The following NEFM variants were observed in gnomAD, a reference collection of about 807,000 sequenced individuals.
NEFM encodes neurofilament medium polypeptide.
In NEFM, 16 loss-of-function variants were observed where a neutral mutation model predicts 48.1. That is an observed-to-expected ratio of 0.33 (90% CI 0.23 to 0.51). The LOEUF (loss-of-function observed/expected upper bound fraction) is 0.51. NEFM is among the 20% of genes least tolerant of loss of function. The pLI is 0.98. For missense variants in NEFM, 1,107 were observed against 1,136.0 expected (o/e 0.97, Z 0.37); for synonymous variants, 465 against 456.9 (o/e 1.02, Z -0.23).
At chr8:24,915,876 T>G in intron 2 of NEFM, 147 bp downstream of exon 2, 1 of 1,038,364 alleles carries the variant, frequency 9.6e-7, no homozygotes, top group Non-Finnish European at 1.4e-6. Context: ...AAGAAATTAT[T>G]CTAAAGAATT....
At chr8:24,915,136 C>A in intron 1 of NEFM, 2 of 1,349,084 alleles carry the variant, frequency 1.5e-6, no homozygotes, top group Non-Finnish European at 1.9e-6. Flanking sequence ...TAATTTTGCA[C>A]GCTTGCACGT....
chr8:24,914,898 GC>G (rs1802549709), intron 1 of NEFM, 25 bp downstream of exon 1: 12 of 1,560,396 alleles, frequency 7.7e-6, no homozygotes, highest in African/African-American at 1.4e-5. Flanking sequence ...TGCGCGGCCA[GC>G]CTGCGCCAGC....
Position 24,918,878 on chromosome 8 carries a change from T to C in NEFM, c.*272T>C. 2.1e-6 allele frequency: 1 copy of C among 472,182 alleles called. No individual in the cohort carries two copies. Among genetic ancestry groups the C allele is most frequent in the Non-Finnish European group, 3.8e-6 (1 of 260,090 alleles). 29.2% of individuals were successfully genotyped at this position (472,182 alleles called of 1,614,324 possible). A position where few individuals can be genotyped will look rare whatever the true frequency, so the allele number is the denominator to read the frequency against. On this transcript the variant is annotated 3_prime_UTR_variant, in exon 3 of 3. Transcript: ENST00000221166. ...AGGGGGGATGTCTTGAGATGTATTA[T>C]GCAAAGTACCAACTGAGCCAAAAAC... is the stretch of plus-strand genomic sequence containing the variant.
rs368440835 is a variant in NEFM at position 24,917,677 on chromosome 8, G to A, written c.1822G>A (p.Glu608Lys). 1.9e-6 allele frequency: 3 copies of A among 1,613,278 alleles called. No individual in the cohort carries two copies. Among genetic ancestry groups the A allele is most frequent in the African/African-American group, 2.7e-5 (2 of 74,896 alleles). The part of the protein sequence containing the change: ...KEELVADAKV[E>K]KPEKAKSPVP... The stretch of plus-strand genomic sequence containing the variant: ...GGAGCTGGTGGCAGATGCCAAGGTG[G>A]AAAAGCCAGAAAAAGCCAAGTCTCC... Residue 608 changes from glutamate (E) to lysine (K), a missense_variant, in exon 3 of 3, where the codon GAA becomes AAA. Physicochemically the swap from Glu to Lys is moderately conservative, Grantham distance 56. Transcript: ENST00000221166.
Position 24,917,512 on chromosome 8 carries a change from T to C in NEFM, c.1657T>C (p.Ser553Pro). 6 of 1,554,414 alleles carry C rather than the reference T, an allele frequency of 3.9e-6. No homozygotes were observed. The highest frequency in any genetic ancestry group is 1.7e-4 in the Middle Eastern group (1 of 5,976). The change falls in exon 3 of 3, where the codon TCC (serine) becomes CCC (proline). Residue 553 changes from serine to proline, a missense_variant. By Grantham distance (74) the Ser-to-Pro change is moderately conservative. Around this residue, in one of 3 missense-constraint regions of NEFM, gnomAD observed 917 missense variants for 916.4 expected, o/e 1.00. Transcript: ENST00000221166. ...AKSDQAEEGG[S>P]EKEGSSEKEE... ...GTCAGACCAAGCCGAAGAGGGAGGATCCGAGAAGGAAGGCTCTAGTGAAAA... is the reference window on the plus strand; with the variant it reads ...GTCAGACCAAGCCGAAGAGGGAGGACCCGAGAAGGAAGGCTCTAGTGAAAA...
rs1386254422 is a variant in NEFM at position 24,914,498 on chromosome 8, G to A, written c.705G>A (p.Arg235=). 3 of 1,613,954 alleles carry A rather than the reference G, an allele frequency of 1.9e-6. No individual in the cohort carries two copies. The highest frequency in any genetic ancestry group is 1.7e-5 in the Admixed American group (1 of 60,000). Residue 235 remains arginine (R), a synonymous_variant, in exon 1 of 3, where the codon CGG becomes CGA. Coordinates refer to ENST00000221166, the MANE Select transcript of NEFM (RefSeq NM_005382.2). The part of the protein sequence containing the change: ...QSLQDEVAFL[R]SNHEEEVADL... The stretch of plus-strand genomic sequence containing the variant: ...TGCAGGATGAGGTGGCCTTCCTGCG[G>A]AGCAACCACGAGGAGGAGGTGGCCG...
rs1802621389 is a variant in NEFM at position 24,918,692 on chromosome 8, C to T, written c.*86C>T. 7 of 947,378 alleles carry T rather than the reference C, an allele frequency of 7.4e-6. No homozygotes were observed. Among genetic ancestry groups the T allele is most frequent in the Non-Finnish European group, 1.2e-5 (7 of 585,808 alleles). 58.7% of individuals were successfully genotyped at this position (947,378 alleles called of 1,614,324 possible). A position where few individuals can be genotyped will look rare whatever the true frequency, so the allele number is the denominator to read the frequency against. On this transcript the variant is annotated 3_prime_UTR_variant, in exon 3 of 3. Transcript: ENST00000221166. Reference sequence around the variant, plus strand: ...AGCTTCAAAACAGAACGGGTTCTCCCATGGGGGCTCCAGACATTGTATTTT... The same window carrying T: ...AGCTTCAAAACAGAACGGGTTCTCCTATGGGGGCTCCAGACATTGTATTTT...
chr8:24,918,006 G>A lies in NEFM; in HGVS notation c.2151G>A (p.Lys717=), dbSNP rs1802606956. The A allele has an allele frequency of 6.3e-7, 1 of 1,593,882 alleles. No homozygotes were observed. The highest frequency in any genetic ancestry group is 1.3e-5 in the African/African-American group (1 of 74,422). ...KEVKEAPKEE[K]VEKKEEKPKD... ...TCAAGGAAGCTCCCAAGGAAGAGAA[G>A]GTAGAGAAAAAGGAAGAGAAACCAA... The change falls in exon 3 of 3, where the codon AAG becomes AAA. Residue 717 remains lysine (K), a synonymous_variant. Coordinates refer to ENST00000221166, the MANE Select transcript of NEFM (RefSeq NM_005382.2).
chr8:24,915,406 T>A, intron 1 of NEFM, 199 bp from the exon 2 acceptor site: 1 of 1,058,728 alleles, frequency 9.4e-7, no homozygotes, highest in African/African-American at 1.6e-5. Flanking sequence ...GTCTTACTGA[T>A]CTTGTATGTT....
chr8:24,917,515 G>C lies in NEFM; in HGVS notation c.1660G>C (p.Glu554Gln). 6.4e-7 allele frequency: 1 copy of C among 1,555,706 alleles called. No homozygotes were observed. The highest frequency in any genetic ancestry group is 8.7e-7 in the Non-Finnish European group (1 of 1,149,142). Residue 554 changes from glutamate (E) to glutamine (Q), a missense_variant, in exon 3 of 3, where the codon GAG becomes CAG. This residue lies in a region of NEFM where 917 missense variants were observed against 916.4 expected (regional missense o/e 1.00). Coordinates refer to ENST00000221166, the MANE Select transcript of NEFM (RefSeq NM_005382.2). ...AGACCAAGCCGAAGAGGGAGGATCC[G>C]AGAAGGAAGGCTCTAGTGAAAAAGA... ...KSDQAEEGGS[E>Q]KEGSSEKEEG...
chr8:24,915,260 T>G (rs986750302), intron 1 of NEFM: 3 of 1,261,720 alleles, frequency 2.4e-6, no homozygotes, highest in Non-Finnish European at 3.0e-6. Flanking sequence ...GCTCTCAAAA[T>G]TGGCTTCAGC....
At position 24,917,162 on chromosome 8, in the gene NEFM, T is replaced by G. The variant is rs1563243041; in HGVS notation, c.1307T>G (p.Ile436Ser). 3 of 1,613,970 alleles carry G rather than the reference T, an allele frequency of 1.9e-6. No individual in the cohort carries two copies. The highest frequency in any genetic ancestry group is 2.2e-5 in the East Asian group (1 of 44,870). ...CCCCCAATCACAATATCCAGTAAGA[T>G]TCAGAAACCCAAGGTGGAAGCTCCC... ...HRPPITISSK[I>S]QKPKVEAPKL... Residue 436 changes from isoleucine to serine, a missense_variant, in exon 3 of 3, where the codon ATT (isoleucine) becomes AGT (serine). Physicochemically the swap from Ile to Ser is moderately radical, Grantham distance 142. Around this residue, in one of 3 missense-constraint regions of NEFM, gnomAD observed 917 missense variants for 916.4 expected, o/e 1.00. Transcript: ENST00000221166.
chr8:24,918,186 G>A lies in NEFM; in HGVS notation c.2331G>A (p.Ala777=), dbSNP rs41276283. Residue 777 remains alanine (A), a synonymous_variant, in exon 3 of 3, where the codon GCG becomes GCA. Transcript: ENST00000221166. ...PLQQEKEKEK[A]GGEGGSEEEG... ...AGCAGGAGAAAGAGAAGGAGAAAGC[G>A]GGAGGAGAGGGAGGAAGTGAGGAGG... The A allele has an allele frequency of 1.9e-3, 3,018 of 1,552,100 alleles. 11 individuals carry two copies. Among genetic ancestry groups the A allele is most frequent in the Middle Eastern group, 5.2e-3 (31 of 5,996 alleles).
chr8:24,917,099 T>C lies in NEFM; in HGVS notation c.1244T>C (p.Phe415Ser), dbSNP rs1181749326. The C allele has an allele frequency of 6.2e-7, 1 of 1,614,012 alleles. No homozygotes were observed. Among genetic ancestry groups the C allele is most frequent in the Non-Finnish European group, 8.5e-7 (1 of 1,180,040 alleles). ...LEGEETRFST[F>S]AGSITGPLYT... ...GGTGAAGAGACTAGATTTAGCACATTTGCAGGAAGCATCACTGGGCCACTG... is the reference window on the plus strand; with the variant it reads ...GGTGAAGAGACTAGATTTAGCACATCTGCAGGAAGCATCACTGGGCCACTG... The change falls in exon 3 of 3, where the codon TTT becomes TCT. Residue 415 changes from phenylalanine to serine, a missense_variant. Transcript: ENST00000221166.
At chr8:24,916,965 T>A in intron 2 of NEFM, 96 bp from the exon 3 acceptor site, 1 of 983,558 alleles carries the variant, frequency 1.0e-6, no homozygotes, top group South Asian at 1.3e-5. Flanking sequence ...ATTCTATTTA[T>A]TCAAAGGTAG....
At chr8:24,915,771 G>C in intron 2 of NEFM, 42 bp downstream of exon 2, 1 of 1,613,646 alleles carries the variant, frequency 6.2e-7, no homozygotes, top group Non-Finnish European at 8.5e-7. Context: ...ACTAACCGCA[G>C]TGCAGAGGCT....
rs1201586591 is a variant in NEFM, at chr8:24,915,617, C to A, written c.1093C>A (p.Gln365Lys). 3 of 1,613,950 alleles carry A rather than the reference C, an allele frequency of 1.9e-6. No homozygotes were observed. The African/African-American group carries it at 4.0e-5, about 22-fold the overall frequency. The change falls in exon 2 of 3, where the codon CAG becomes AAG. Residue 365 changes from glutamine to lysine, a missense_variant. By Grantham distance (53) the Gln-to-Lys change is moderately conservative. Transcript: ENST00000221166. Reference protein sequence around the residue: ...DLSSYQDTIQQLENELRGTKW... With the variant: ...DLSSYQDTIQKLENELRGTKW... ...GTGTCTGTTTCAGGACACCATCCAG[C>A]AGCTGGAAAATGAGCTTCGGGGCAC... is the stretch of plus-strand genomic sequence containing the variant.
intron 1 of NEFM, 68 bp from the exon 2 acceptor site, chr8:24,915,537 A>G (rs911270132): frequency 4.4e-6 from 7 of 1,608,416 alleles, no homozygotes; most frequent in Non-Finnish European, 5.1e-6. Flanking sequence ...AAGGGGTAGC[A>G]AGTGGTTTGC....
At position 24,913,878 on chromosome 8, in the gene NEFM, G is replaced by T. The variant is rs1173809675; in HGVS notation, c.85G>T (p.Gly29Cys). The T allele has an allele frequency of 6.2e-7, 1 of 1,610,474 alleles. No homozygotes were observed. The highest frequency in any genetic ancestry group is 1.3e-5 in the African/African-American group (1 of 74,902). The change falls in exon 1 of 3, where the codon GGC (glycine) becomes TGC (cysteine). Residue 29 changes from glycine to cysteine, a missense_variant. By Grantham distance (159) the Gly-to-Cys change is radical. Coordinates refer to ENST00000221166, the MANE Select transcript of NEFM (RefSeq NM_005382.2). ...ETRSSFSRVS[G>C]SPSSGFRSQS... ...CCGCTCGAGCTTCAGCCGCGTCAGC[G>T]GCTCCCCGTCCAGTGGCTTCCGCTC...
Sources: gnomAD v4.1 joint callset for allele counts on GRCh38, gnomAD v4.1.1 for gene constraint, gnomAD v4.1.1 regional missense constraint, MANE v1.5 for transcripts, NCBI Gene and HGNC (gene_info 2026-07-23, HGNC 2026-07-21) for gene names.